TGFBI: variants seen among roughly 807,000 people sequenced by gnomAD.
TGFBI encodes transforming growth factor beta induced.
In TGFBI, 50 loss-of-function variants were observed where a neutral mutation model predicts 73.7. That is an observed-to-expected ratio of 0.68 (90% CI 0.54 to 0.86). The LOEUF (loss-of-function observed/expected upper bound fraction) is 0.86, where lower values mean the gene tolerates loss of function less well. Ranked by LOEUF, TGFBI falls within the 40% of genes least tolerant of loss-of-function variation. TGFBI has a pLI of 0.00. For missense variants in TGFBI, 839 were observed against 877.0 expected, an observed-to-expected ratio of 0.96 and a Z score of 0.55; for synonymous variants, 362 against 360.5, an observed-to-expected ratio of 1.00 and a Z score of -0.05.
At position 136,033,798 on chromosome 5, in the gene TGFBI, C is replaced by T; in HGVS notation, c.170C>T (p.Thr57Ile). Residue 57 changes from threonine to isoleucine, a missense_variant, in exon 2 of 17, where the codon ACT becomes ATT. Coordinates refer to ENST00000442011, the MANE Select transcript of TGFBI (RefSeq NM_000358.3). Reference sequence around the variant, plus strand: ...TGTGCTGTGCAGAAGGTTATTGGCACTAATAGGAAGTACTTCACCAACTGC... The same window carrying T: ...TGTGCTGTGCAGAAGGTTATTGGCATTAATAGGAAGTACTTCACCAACTGC... ...NVCAVQKVIG[T>I]NRKYFTNCKQ... 1 of 1,613,930 alleles carries T rather than the reference C, an allele frequency of 6.2e-7. No homozygotes were observed. The highest frequency in any genetic ancestry group is 1.1e-5 in the South Asian group (1 of 91,066).
intron 12 of TGFBI, among the ~76,000 whole-genome samples, chr5:136,058,552 A>G (rs1751691501): frequency 1.3e-5 from 2 of 152,180 alleles, no homozygotes; most frequent in South Asian, 2.1e-4. Context: ...CATCGGCTCC[A>G]TGGCTCCTCC....
At chr5:136,043,409 AAAGT>A (rs1391138040) in intron 2 of TGFBI, among the ~76,000 whole-genome samples, 2 of 152,242 alleles carry the variant, frequency 1.3e-5, no homozygotes, top group African/African-American at 4.8e-5. Context: ...TAAAAAATAA[AAAGT>A]AAGTATCTTC....
Position 136,056,707 on chromosome 5 carries a change from C to T in TGFBI, c.1590C>T (p.Thr530=). 1.2e-6 allele frequency: 2 copies of T among 1,613,764 alleles called. No homozygotes were observed. The highest frequency in any genetic ancestry group is 1.7e-6 in the Non-Finnish European group (2 of 1,179,858). Residue 530 remains threonine (T), a synonymous_variant, in exon 12 of 17, where the codon ACC becomes ACT. Transcript: ENST00000442011. ...AAIQSAGLTE[T]LNREGVYTVF... ...TCCAGTCTGCAGGACTGACGGAGAC[C>T]CTCAACCGGGAAGGAGTCTACACAG... is the stretch of plus-strand genomic sequence containing the variant.
At position 136,044,142 on chromosome 5, in the gene TGFBI, C is replaced by T; in HGVS notation, c.298+20C>T. On this transcript the variant is annotated intron_variant, in intron 3 of 16. Transcript: ENST00000442011. ...CAGCAGGTGAATGAATCCTCCGGGCCTTGCCTGTTGGTGTGGGTGGAAGGG... is the reference window on the plus strand; with the variant it reads ...CAGCAGGTGAATGAATCCTCCGGGCTTTGCCTGTTGGTGTGGGTGGAAGGG... The T allele has an allele frequency of 1.2e-6, 2 of 1,608,240 alleles. No homozygotes were observed. Among genetic ancestry groups the T allele is most frequent in the Non-Finnish European group, 1.7e-6 (2 of 1,175,604 alleles).
rs533799278 is a variant in TGFBI, at chr5:136,042,566, G to A, written c.234-1492G>A. On this transcript the variant is annotated intron_variant, in intron 2 of 16. Transcript: ENST00000442011. ...AATCAAGATGAGTCCCAAGACAATA[G>A]CCTGTTTAGCCCTTATAAGTTCAGG... 2.0e-5 allele frequency among the ~76,000 whole-genome samples: 3 copies of A among 152,188 alleles called. No homozygotes were observed. The South Asian group carries it at 6.2e-4, about 32-fold the overall frequency.
intron 1 of TGFBI, among the ~76,000 whole-genome samples, chr5:136,029,392 C>G (rs961288821): frequency 2.6e-5 from 4 of 152,150 alleles, no homozygotes; most frequent in East Asian, 1.9e-4. Context: ...GGAGGGAAAG[C>G]GGGAGGCCGC....
intron 8 of TGFBI, among the ~76,000 whole-genome samples, chr5:136,053,385 CT>C (rs1296131722): frequency 6.6e-6 from 1 of 152,236 alleles, no homozygotes; most frequent in East Asian, 1.9e-4. Context: ...TTCAGAAGAT[CT>C]GCCTGCTGTG....
chr5:136,063,162 A>T (rs1486243604), intron 16 of TGFBI, 24 bp from the exon 17 acceptor site: 11 of 1,611,430 alleles, frequency 6.8e-6, no homozygotes, highest in Non-Finnish European at 9.3e-6. Context: ...CACCTATTTG[A>T]CGTTACCAAC....
chr5:136,044,552 C>G (rs928481464), intron 3 of TGFBI, among the ~76,000 whole-genome samples: 6 of 152,244 alleles, frequency 3.9e-5, no homozygotes, highest in African/African-American at 1.4e-4. Context: ...GGCTGGCAAC[C>G]CCAAGCCATC....
chr5:136,040,642 C>T (rs1427785895), intron 2 of TGFBI, among the ~76,000 whole-genome samples: 1 of 152,212 alleles, frequency 6.6e-6, no homozygotes, highest in Admixed American at 6.5e-5. Context: ...TCTGCTTTTT[C>T]TGACCTGAGG....
Position 136,033,782 on chromosome 5 carries a change from C to T in TGFBI, c.154C>T (p.Gln52Ter). Residue 52 changes from glutamine (Q) to a stop codon, truncating the protein, a stop_gained, in exon 2 of 17, where the codon CAG (glutamine) becomes TAG (stop). Transcript: ENST00000442011. LOFTEE classifies it high-confidence loss of function. ...TTTCAGCCCCAACGTGTGTGCTGTG[C>T]AGAAGGTTATTGGCACTAATAGGAA... ...RQHGPNVCAVQKVIGTNRKYF... is the reference protein window; with the variant it reads ...RQHGPNVCAV 2.5e-6 allele frequency: 4 copies of T among 1,613,910 alleles called. No individual in the cohort carries two copies. Among genetic ancestry groups the T allele is most frequent in the Non-Finnish European group, 3.4e-6 (4 of 1,179,852 alleles).
At chr5:136,037,868 C>T (rs1452778173) in intron 2 of TGFBI, among the ~76,000 whole-genome samples, 1 of 152,174 alleles carries the variant, frequency 6.6e-6, no homozygotes, top group East Asian at 1.9e-4. Flanking sequence ...AGGTGTCCTT[C>T]TGGGCAGGGC....
intron 7 of TGFBI, among the ~76,000 whole-genome samples, chr5:136,052,411 G>A (rs145294185): frequency 2.6e-4 from 39 of 152,304 alleles, no homozygotes; most frequent in African/African-American, 8.4e-4. Flanking sequence ...TACACTTTTC[G>A]TCTTTTCCTA....
intron 1 of TGFBI, among the ~76,000 whole-genome samples, chr5:136,031,158 G>A (rs945970506): frequency 1.1e-4 from 16 of 152,340 alleles, no homozygotes; most frequent in African/African-American, 3.8e-4. Context: ...CCCTGTCCCA[G>A]TAGAATCTGG....
rs1335770294 is a variant in TGFBI, at chr5:136,029,005, G to T, written c.-51G>T. ...GAGGCGCTCTCACTTCCCTGGAGCC[G>T]CCCGCTTGCCCGTCGGTCGCTAGCT... On this transcript the variant is annotated 5_prime_UTR_variant, in exon 1 of 17. Coordinates refer to ENST00000442011, the MANE Select transcript of TGFBI (RefSeq NM_000358.3). 37 of 1,504,876 alleles carry T rather than the reference G, an allele frequency of 2.5e-5. No individual in the cohort carries two copies. Among genetic ancestry groups the T allele is most frequent in the Admixed American group, 8.2e-5 (4 of 48,768 alleles). 93.2% of individuals were successfully genotyped at this position (1,504,876 alleles called of 1,614,324 possible).
At chr5:136,031,102 T>C (rs1174256752) in intron 1 of TGFBI, among the ~76,000 whole-genome samples, 1 of 152,212 alleles carries the variant, frequency 6.6e-6, no homozygotes, top group Non-Finnish European at 1.5e-5. Context: ...GAAAGGCCTA[T>C]TGTAATCTGT....
intron 2 of TGFBI, among the ~76,000 whole-genome samples, chr5:136,041,023 A>G (rs1561607873): frequency 6.6e-6 from 1 of 152,226 alleles, no homozygotes; most frequent in Non-Finnish European, 1.5e-5. Context: ...TCAGCCTTCG[A>G]TTCACAGCTG....
chr5:136,046,239 A>T, intron 3 of TGFBI, 96 bp from the exon 4 acceptor site: 2 of 1,457,798 alleles, frequency 1.4e-6, no homozygotes, highest in South Asian at 2.6e-5. Flanking sequence ...CGTCCTCTCC[A>T]CCTGTAGATG....
At chr5:136,053,193 G>T in intron 8 of TGFBI, 74 bp downstream of exon 8, 2 of 1,447,988 alleles carry the variant, frequency 1.4e-6, no homozygotes, top group East Asian at 2.3e-5. Context: ...GGCGGGGGAG[G>T]GGAAATTCAG....
Sources: gnomAD v4.1 joint callset for allele counts (sites outside exome capture counted in the v4.1 genomes callset) on GRCh38, gnomAD v4.1.1 for gene constraint, MANE v1.5 for transcripts, NCBI Gene and HGNC (gene_info 2026-07-23, HGNC 2026-07-21) for gene names.